Variants in ZC3H18 observed in about 807,000 individuals in gnomAD.
ZC3H18 encodes the protein zinc finger CCCH-type containing 18.
ZC3H18 carries 8 observed loss-of-function variants against 106.1 expected under a neutral mutation model. That is an observed-to-expected ratio of 0.08 (90% CI 0.04 to 0.14). The LOEUF (loss-of-function observed/expected upper bound fraction) is 0.14. ZC3H18 is among the 10% of genes least tolerant of loss of function. ZC3H18 has a pLI of 1.00. For synonymous variants in ZC3H18, 635 were observed against 522.1 expected, an observed-to-expected ratio of 1.22 and a Z score of -2.95; for missense variants, 1,318 against 1,278.4, an observed-to-expected ratio of 1.03 and a Z score of -0.47.
At chr16:88,580,156 C>T (rs947692573) in intron 2 of ZC3H18, among the ~76,000 whole-genome samples, 1 of 126,844 alleles carries the variant, frequency 7.9e-6, no homozygotes, top group Admixed American at 8.1e-5. Flanking sequence ...ACAGGTTCAT[C>T]TGTGTGTGTG....
chr16:88,626,705 A>C (rs1906332270), intron 13 of ZC3H18: 2 of 151,834 alleles, frequency 1.3e-5, no homozygotes, highest in Admixed American at 6.6e-5. Flanking sequence ...TTTTGAAAAA[A>C]AAAAATGGTT....
chr16:88,583,862 C>T (rs12596695), intron 2 of ZC3H18, among the ~76,000 whole-genome samples: 26,046 of 152,052 alleles, frequency 0.17, 2,279 homozygotes, highest in East Asian at 0.24. Flanking sequence ...CCTCCTTGTC[C>T]TCTGCTTCCT....
chr16:88,595,278 G>A (rs1482699169), intron 3 of ZC3H18, among the ~76,000 whole-genome samples: 2 of 152,046 alleles, frequency 1.3e-5, no homozygotes, highest in Admixed American at 6.5e-5. Context: ...TGGAGGGGCC[G>A]CCTCCGCCCC....
chr16:88,622,176 C>T lies in ZC3H18; in HGVS notation c.1476-21C>T, dbSNP rs757565520. On this transcript the variant is annotated intron_variant, in intron 8 of 17. Coordinates refer to ENST00000301011, the MANE Select transcript of ZC3H18 (RefSeq NM_144604.4). ...GAAGCGGAAGGTGGCCTGAGAGTTG[C>T]TAATGCCTCTGTAATTTCAGCCGCC... The T allele has an allele frequency of 1.2e-5, 20 of 1,601,676 alleles. No homozygotes were observed. The Admixed American group carries it at 3.2e-4, about 26-fold the overall frequency.
At chr16:88,617,804 G>A (rs926111751) in intron 8 of ZC3H18, among the ~76,000 whole-genome samples, 2 of 152,192 alleles carry the variant, frequency 1.3e-5, no homozygotes, top group South Asian at 2.1e-4. Context: ...CCCCTTTGGC[G>A]GCCCATCCAG....
chr16:88,596,512 C>T (rs531096020), intron 3 of ZC3H18, among the ~76,000 whole-genome samples: 3 of 152,130 alleles, frequency 2.0e-5, no homozygotes, highest in South Asian at 2.1e-4. Context: ...TGGTGGTACC[C>T]GCCTGTAATC....
At chr16:88,595,819 T>C (rs990643325) in intron 3 of ZC3H18, among the ~76,000 whole-genome samples, 1 of 149,192 alleles carries the variant, frequency 6.7e-6, no homozygotes, top group Non-Finnish European at 1.5e-5. Context: ...AAAAAAAAAA[T>C]TAAAAAAAGG....
chr16:88,613,100 C>G (rs1289379000), intron 8 of ZC3H18, among the ~76,000 whole-genome samples: 1 of 152,204 alleles, frequency 6.6e-6, no homozygotes, highest in Non-Finnish European at 1.5e-5. Context: ...AGGTATCTGC[C>G]CATTCAGAAC....
chr16:88,612,223 A>G (rs1489963080), intron 8 of ZC3H18, among the ~76,000 whole-genome samples: 2 of 152,232 alleles, frequency 1.3e-5, no homozygotes, highest in Admixed American at 6.5e-5. Flanking sequence ...AGAGTACTGG[A>G]TGATGTTTTT....
intron 3 of ZC3H18, 107 bp downstream of exon 3, chr16:88,586,791 C>G: frequency 1.4e-6 from 1 of 734,448 alleles, no homozygotes; most frequent in Non-Finnish European, 2.3e-6. Flanking sequence ...AGGCAGTTCT[C>G]TGGGCATTAC....
At chr16:88,596,009 G>T (rs1904418952) in intron 3 of ZC3H18, among the ~76,000 whole-genome samples, 1 of 152,162 alleles carries the variant, frequency 6.6e-6, no homozygotes, top group Non-Finnish European at 1.5e-5. Flanking sequence ...TAGACGTGCA[G>T]ACCAACTGTG....
intron 3 of ZC3H18, among the ~76,000 whole-genome samples, chr16:88,592,715 G>A (rs1164261393): frequency 1.3e-5 from 2 of 152,162 alleles, no homozygotes; most frequent in African/African-American, 2.4e-5. Flanking sequence ...GACCTCAAAT[G>A]ATCCGACCGC....
chr16:88,582,535 T>G (rs1597323627), intron 2 of ZC3H18, among the ~76,000 whole-genome samples: 1 of 152,108 alleles, frequency 6.6e-6, no homozygotes, highest in Admixed American at 6.6e-5. Flanking sequence ...TGGCTGTGGG[T>G]TTCCACTTCA....
intron 11 of ZC3H18, 180 bp downstream of exon 11, chr16:88,624,242 C>T (rs547029536): frequency 8.4e-6 from 7 of 831,764 alleles, no homozygotes; most frequent in South Asian, 1.8e-5. Context: ...TTCTCACGGG[C>T]CACCCTTACA....
intron 16 of ZC3H18, 117 bp from the exon 17 acceptor site, chr16:88,630,368 G>T (rs1906585261): frequency 1.5e-6 from 1 of 684,296 alleles, no homozygotes; most frequent in African/African-American, 1.8e-5. Context: ...TAAAAATGAA[G>T]GTGGTGAACT....
intron 7 of ZC3H18, 89 bp downstream of exon 7, chr16:88,609,140 T>C: frequency 9.7e-7 from 1 of 1,032,428 alleles, no homozygotes; most frequent in Non-Finnish European, 1.4e-6. Flanking sequence ...ATACAGGGCT[T>C]TATATGAGCT....
intron 3 of ZC3H18, among the ~76,000 whole-genome samples, chr16:88,592,234 T>C (rs1390641170): frequency 6.6e-6 from 1 of 152,146 alleles, no homozygotes; most frequent in Non-Finnish European, 1.5e-5. Flanking sequence ...GGAGGTAATA[T>C]CTTACTGGGT....
chr16:88,597,193 C>G (rs1315724530), intron 3 of ZC3H18, among the ~76,000 whole-genome samples: 1 of 152,158 alleles, frequency 6.6e-6, no homozygotes, highest in East Asian at 1.9e-4. Context: ...CTTCGTTTGA[C>G]TTATGTGTGA....
intron 7 of ZC3H18, among the ~76,000 whole-genome samples, 173 bp from the exon 8 acceptor site, chr16:88,611,095 C>T (rs1345304436): frequency 1.3e-5 from 2 of 152,216 alleles, no homozygotes; most frequent in Admixed American, 6.5e-5. Flanking sequence ...TGTACTCCAC[C>T]GCAGAGAGTT....
Sources: allele counts gnomAD v4.1 joint callset (sites outside exome capture counted in the v4.1 genomes callset), GRCh38; gene constraint gnomAD v4.1.1; transcripts MANE v1.5; gene names NCBI Gene and HGNC (gene_info 2026-07-23, HGNC 2026-07-21).